The following SLC6A5 variants were observed in gnomAD, a reference collection of about 807,000 sequenced individuals.
SLC6A5 encodes the protein solute carrier family 6 member 5, also known as sodium- and chloride-dependent glycine transporter 2.
In SLC6A5, 58 loss-of-function variants were observed where a neutral mutation model predicts 90.5. The ratio of observed to expected loss-of-function variants is 0.64; its 90% CI spans 0.52 to 0.80. The LOEUF (loss-of-function observed/expected upper bound fraction) is 0.80. Among genes scored for constraint, SLC6A5 ranks in the 30% least tolerant of loss-of-function variants. SLC6A5 has a pLI of 0.00. For synonymous variants in SLC6A5, 427 were observed against 401.4 expected (o/e 1.06, Z -0.76); for missense variants, 1,015 against 1,017.6 (o/e 1.00, Z 0.03).
chr11:20,600,384 G>GA (rs759447184), intron 1 of SLC6A5, among the ~76,000 whole-genome samples: 2 of 149,814 alleles, frequency 1.3e-5, no homozygotes, highest in Non-Finnish European at 2.9e-5. Context: ...AGAAGAAGAA[G>GA]AAGAAGAAGA....
chr11:20,606,447 T>C (rs11025646), intron 3 of SLC6A5, among the ~76,000 whole-genome samples: 52,037 of 151,956 alleles, frequency 0.34, 9,610 homozygotes, highest in East Asian at 0.73. Flanking sequence ...CGTTGAGAAG[T>C]GTGTGATGGG....
intron 14 of SLC6A5, among the ~76,000 whole-genome samples, chr11:20,649,291 C>A (rs796691870): frequency 6.6e-6 from 1 of 152,174 alleles, no homozygotes; most frequent in Non-Finnish European, 1.5e-5. Flanking sequence ...GAAGTAAGGA[C>A]AATGAGAAGG....
chr11:20,637,135 A>G (rs374002476), intron 11 of SLC6A5, 37 bp from the exon 12 acceptor site: 4 of 1,612,190 alleles, frequency 2.5e-6, no homozygotes, highest in African/African-American at 2.7e-5. Flanking sequence ...GGGTGGTACA[A>G]TTTGACTCAG....
At chr11:20,603,604 GT>G (rs1852519392) in intron 2 of SLC6A5, among the ~76,000 whole-genome samples, 1 of 152,130 alleles carries the variant, frequency 6.6e-6, no homozygotes, top group Non-Finnish European at 1.5e-5. Flanking sequence ...TTTTTTGTTT[GT>G]TTGTTTTCCG....
intron 6 of SLC6A5, among the ~76,000 whole-genome samples, chr11:20,616,541 T>A (rs1308693927): frequency 6.6e-6 from 1 of 152,212 alleles, no homozygotes; most frequent in Non-Finnish European, 1.5e-5. Context: ...GCAGTTGAGA[T>A]GGCTAAGTCA....
chr11:20,616,145 T>A (rs1852779712), intron 6 of SLC6A5, among the ~76,000 whole-genome samples: 1 of 152,194 alleles, frequency 6.6e-6, no homozygotes, highest in South Asian at 2.1e-4. Context: ...TGTCATTATT[T>A]CCTACTCCTG....
chr11:20,618,945 G>GACACACACACACAC (rs68111718), intron 7 of SLC6A5, among the ~76,000 whole-genome samples: 9,127 of 148,506 alleles, frequency 0.061, 343 homozygotes, highest in Middle Eastern at 0.15. Context: ...TGTCCCGCCC[G>GACACACACACACAC]ACACACACAC....
intron 5 of SLC6A5, 44 bp from the exon 6 acceptor site, chr11:20,614,635 T>C (rs780914096): frequency 4.7e-5 from 75 of 1,585,884 alleles, no homozygotes; most frequent in Non-Finnish European, 6.1e-5. Context: ...CTCTGTTTTC[T>C]GTACAGATTT....
intron 5 of SLC6A5, among the ~76,000 whole-genome samples, chr11:20,613,165 C>A (rs1852724709): frequency 6.6e-6 from 1 of 152,214 alleles, no homozygotes; most frequent in Non-Finnish European, 1.5e-5. Flanking sequence ...TGGCTAGCCA[C>A]TGCATCCCTC....
Position 20,658,931 on chromosome 11 carries a change from C to T in SLC6A5, c.*4063C>T, listed in dbSNP as rs1853668452. 1 of 151,990 alleles carries T rather than the reference C, an allele frequency of 6.6e-6. No homozygotes were observed. The allele number at this position is 151,990 out of a possible 1,614,324, so 9.4% of individuals were successfully genotyped here. ...TTACATTGTGTACTTGGCTAATGTC[C>T]TAAATGCAGGCATCTTTTGTGGGTA... On this transcript the variant is annotated 3_prime_UTR_variant, in exon 16 of 16. Transcript: ENST00000525748.
chr11:20,654,675 T>C (rs758394048), intron 15 of SLC6A5, 38 bp from the exon 16 acceptor site: 2 of 1,612,434 alleles, frequency 1.2e-6, no homozygotes, highest in East Asian at 4.5e-5. Context: ...GAAGGTGCAC[T>C]ACTTCTGTGA....
At chr11:20,627,331 C>T (rs1033093599) in intron 8 of SLC6A5, among the ~76,000 whole-genome samples, 12 of 152,198 alleles carry the variant, frequency 7.9e-5, no homozygotes, top group African/African-American at 2.9e-4. Flanking sequence ...GCATATCTAA[C>T]TCTAAAATTT....
chr11:20,653,341 G>T (rs1853576973), intron 15 of SLC6A5, among the ~76,000 whole-genome samples: 1 of 152,198 alleles, frequency 6.6e-6, no homozygotes, highest in South Asian at 2.1e-4. Context: ...CCAGAGTCTT[G>T]GGGAAATGGG....
intron 2 of SLC6A5, 74 bp downstream of exon 2, chr11:20,601,739 C>A: frequency 1.3e-6 from 2 of 1,498,682 alleles, no homozygotes; most frequent in Non-Finnish European, 1.8e-6. Context: ...CGGGCCGTGG[C>A]GGGTGCACGT....
intron 1 of SLC6A5, among the ~76,000 whole-genome samples, chr11:20,600,769 GTGA>G (rs997562383): frequency 6.6e-6 from 1 of 152,192 alleles, no homozygotes; most frequent in African/African-American, 2.4e-5. Context: ...TTCTACAGTG[GTGA>G]TGGGGATGCG....
intron 7 of SLC6A5, among the ~76,000 whole-genome samples, chr11:20,621,181 G>C (rs545008713): frequency 6.6e-6 from 1 of 152,206 alleles, no homozygotes; most frequent in Admixed American, 6.5e-5. Context: ...AGGAATTGTG[G>C]AGTCATCATT....
chr11:20,637,150 T>C, intron 11 of SLC6A5, 22 bp from the exon 12 acceptor site: 1 of 1,613,590 alleles, frequency 6.2e-7, no homozygotes, highest in Non-Finnish European at 8.5e-7. Flanking sequence ...ACTCAGATGT[T>C]CATTTCCTGA....
At chr11:20,625,790 C>G (rs1852982599) in intron 7 of SLC6A5, among the ~76,000 whole-genome samples, 1 of 152,200 alleles carries the variant, frequency 6.6e-6, no homozygotes, top group African/African-American at 2.4e-5. Context: ...TGCCTCTCCT[C>G]CTCTAAGCTG....
At position 20,656,337 on chromosome 11, in the gene SLC6A5, A is replaced by G. The variant is rs1289466038; in HGVS notation, c.*1469A>G. The G allele has an allele frequency of 6.6e-6, 1 of 152,174 alleles. No homozygotes were observed. The highest frequency in any genetic ancestry group is 1.9e-4 in the East Asian group (1 of 5,194). The allele number at this position is 152,174 out of a possible 1,614,324, so 9.4% of individuals were successfully genotyped here. A position where few individuals can be genotyped will look rare whatever the true frequency, so the allele number is the denominator to read the frequency against. ...GATTTTATTTTCCCTTACAGTAATA[A>G]TATCTAAACCTAAAATTGTTTCCTT... On this transcript the variant is annotated 3_prime_UTR_variant, in exon 16 of 16. Transcript: ENST00000525748.
Sources: allele counts gnomAD v4.1 joint callset (sites outside exome capture counted in the v4.1 genomes callset), GRCh38; gene constraint gnomAD v4.1.1; transcripts MANE v1.5; gene names NCBI Gene and HGNC (gene_info 2026-07-23, HGNC 2026-07-21).